KCNIP4: variants seen among roughly 807,000 people sequenced by gnomAD.
KCNIP4 encodes potassium voltage-gated channel interacting protein 4.
KCNIP4 carries 12 observed loss-of-function variants against 34.0 expected under a neutral mutation model. The observed-to-expected ratio is 0.35, with a 90% CI of 0.23 to 0.57. The LOEUF (loss-of-function observed/expected upper bound fraction) is 0.57, where lower values mean the gene tolerates loss of function less well. Among genes scored for constraint, KCNIP4 ranks in the 20% least tolerant of loss-of-function variants. KCNIP4 has a pLI of 0.83. For missense variants in KCNIP4, 238 were observed against 311.7 expected, an observed-to-expected ratio of 0.76 and a Z score of 1.78; for synonymous variants, 124 against 102.2, an observed-to-expected ratio of 1.21 and a Z score of -1.29.
chr4:21,425,120 AC>A (rs1725824317), intron 1 of KCNIP4, among the ~76,000 whole-genome samples: 1 of 152,178 alleles, frequency 6.6e-6, no homozygotes, highest in African/African-American at 2.4e-5. Flanking sequence ...ATGATCCTCA[AC>A]AATCTATTTT....
At chr4:21,157,868 G>GA (rs1753261467) in intron 1 of KCNIP4, among the ~76,000 whole-genome samples, 2 of 151,350 alleles carry the variant, frequency 1.3e-5, no homozygotes, top group African/African-American at 4.8e-5. Context: ...GAAAACAATA[G>GA]AAAAAATAAA....
At chr4:21,201,240 A>G (rs1756467480) in intron 1 of KCNIP4, among the ~76,000 whole-genome samples, 1 of 152,342 alleles carries the variant, frequency 6.6e-6, no homozygotes, top group African/African-American at 2.4e-5. Flanking sequence ...AAACTGAGGC[A>G]CTAGTGTGGC....
intron 1 of KCNIP4, among the ~76,000 whole-genome samples, chr4:21,343,091 A>T (rs1273870225): frequency 2.0e-5 from 3 of 152,174 alleles, no homozygotes; most frequent in African/African-American, 7.2e-5. Flanking sequence ...GAAAGGGTTT[A>T]TGAAAGATGG....
intron 1 of KCNIP4, among the ~76,000 whole-genome samples, chr4:21,680,094 C>T (rs1750223310): frequency 6.6e-6 from 1 of 152,182 alleles, no homozygotes; most frequent in Admixed American, 6.5e-5. Flanking sequence ...TAACATTTTA[C>T]CCACAAGATA....
intron 1 of KCNIP4, among the ~76,000 whole-genome samples, chr4:21,695,077 C>A (rs552287603): frequency 6.6e-6 from 1 of 152,138 alleles, no homozygotes; most frequent in South Asian, 2.1e-4. Context: ...CATATCCAAC[C>A]TTAAAGGAAA....
At chr4:20,813,844 G>T (rs1357071134) in intron 3 of KCNIP4, among the ~76,000 whole-genome samples, 1 of 152,140 alleles carries the variant, frequency 6.6e-6, no homozygotes. Flanking sequence ...CAAATAAATT[G>T]CCTGCTGGCA....
At chr4:21,824,366 G>A (rs1447503656) in intron 1 of KCNIP4, among the ~76,000 whole-genome samples, 1 of 152,164 alleles carries the variant, frequency 6.6e-6, no homozygotes, top group African/African-American at 2.4e-5. Flanking sequence ...GAGGCCGCAA[G>A]ATTCTGAACT....
chr4:20,867,044 G>A (rs1293544865), intron 2 of KCNIP4, among the ~76,000 whole-genome samples: 1 of 152,048 alleles, frequency 6.6e-6, no homozygotes, highest in Non-Finnish European at 1.5e-5. Flanking sequence ...CATTCTTGTA[G>A]ACTGAAAGAA....
intron 1 of KCNIP4, among the ~76,000 whole-genome samples, chr4:21,495,697 G>C (rs989722388): frequency 6.6e-6 from 1 of 151,026 alleles, no homozygotes; most frequent in Admixed American, 6.6e-5. Context: ...TTCCAGTTTT[G>C]TTACCCCTGG....
At chr4:21,149,692 G>A (rs933247390) in intron 1 of KCNIP4, among the ~76,000 whole-genome samples, 4 of 152,090 alleles carry the variant, frequency 2.6e-5, no homozygotes, top group African/African-American at 7.2e-5. Context: ...CTTTGGTTAC[G>A]AACATATCCT....
Position 21,810,663 on chromosome 4 carries a change from C to T in KCNIP4, c.61+137908G>A, listed in dbSNP as rs1721588757. Among the ~76,000 whole-genome samples the T allele has an allele frequency of 2.1e-5, 3 of 140,966 alleles. No individual in the cohort carries two copies. In the Admixed American group the frequency reaches 2.2e-4, roughly 10 times the overall value. 92.5% of individuals were successfully genotyped at this position (140,966 alleles called of 152,430 possible). ...CGAGATCGCGCCACTGCACTCCAGC[C>T]TGGGCGACAGAGCGAGACTCCGTCT... On this transcript the variant is annotated intron_variant, in intron 1 of 8. Coordinates refer to ENST00000382152, the MANE Select transcript of KCNIP4 (RefSeq NM_025221.6).
intron 1 of KCNIP4, among the ~76,000 whole-genome samples, chr4:21,758,258 A>G (rs1717801742): frequency 6.6e-6 from 1 of 152,218 alleles, no homozygotes; most frequent in Non-Finnish European, 1.5e-5. Flanking sequence ...TCATGAAACT[A>G]TGTCTGGTAA....
At chr4:21,581,657 T>G (rs528816870) in intron 1 of KCNIP4, among the ~76,000 whole-genome samples, 38 of 152,150 alleles carry the variant, frequency 2.5e-4, no homozygotes, top group African/African-American at 8.9e-4. Flanking sequence ...AAGTTTTGCA[T>G]AATGCATTCT....
At chr4:21,079,804 G>A (rs561983646) in intron 1 of KCNIP4, among the ~76,000 whole-genome samples, 4 of 151,754 alleles carry the variant, frequency 2.6e-5, no homozygotes, top group Non-Finnish European at 5.9e-5. Context: ...AGTCCCAGAA[G>A]GATATGTGAT....
intron 1 of KCNIP4, among the ~76,000 whole-genome samples, chr4:21,564,547 C>T (rs1739694774): frequency 6.6e-6 from 1 of 152,088 alleles, no homozygotes; most frequent in African/African-American, 2.4e-5. Context: ...TAAAAGCAAG[C>T]CACTAGAGTG....
chr4:21,553,786 C>A (rs1738769663), intron 1 of KCNIP4, among the ~76,000 whole-genome samples: 1 of 152,078 alleles, frequency 6.6e-6, no homozygotes, highest in South Asian at 2.1e-4. Context: ...TAGCATAAAT[C>A]AAGAGAGTGT....
intron 1 of KCNIP4, among the ~76,000 whole-genome samples, chr4:21,345,373 C>G (rs1382860825): frequency 2.0e-5 from 3 of 152,126 alleles, no homozygotes; most frequent in African/African-American, 7.2e-5. Context: ...GATCCTGACT[C>G]AGAAGCACTC....
intron 1 of KCNIP4, among the ~76,000 whole-genome samples, chr4:21,712,290 C>T (rs1278821525): frequency 1.3e-5 from 2 of 152,128 alleles, no homozygotes; most frequent in Non-Finnish European, 2.9e-5. Flanking sequence ...CAAGATAGAG[C>T]TGGCTTTATT....
At chr4:21,099,687 G>A (rs967925747) in intron 1 of KCNIP4, among the ~76,000 whole-genome samples, 4 of 152,102 alleles carry the variant, frequency 2.6e-5, no homozygotes, top group African/African-American at 4.8e-5. Flanking sequence ...TGAAAAGTGA[G>A]TCCTCTGATG....
Sources: allele counts gnomAD v4.1 joint callset (sites outside exome capture counted in the v4.1 genomes callset), GRCh38; gene constraint gnomAD v4.1.1; transcripts MANE v1.5; gene names NCBI Gene and HGNC (gene_info 2026-07-23, HGNC 2026-07-21).